HMCN1: variants seen among roughly 807,000 people sequenced by gnomAD.
The protein encoded by HMCN1 is hemicentin-1.
HMCN1 carries 321 observed loss-of-function variants against 625.9 expected under a neutral mutation model. The observed-to-expected ratio is 0.51, with a 90% CI of 0.47 to 0.56. The LOEUF (loss-of-function observed/expected upper bound fraction) is 0.56, where lower values mean the gene tolerates loss of function less well. Among genes scored for constraint, HMCN1 ranks in the 20% least tolerant of loss-of-function variants. The probability of loss-of-function intolerance (pLI) is 0.00; values close to 1 mark genes in which losing one functional copy is unlikely to be tolerated. For missense variants in HMCN1, 6,588 were observed against 6,887.3 expected (o/e 0.96, Z 1.54); for synonymous variants, 2,425 against 2,417.6 (o/e 1.00, Z -0.09).
At chr1:185,823,236 T>C (rs1414723157) in intron 1 of HMCN1, among the ~76,000 whole-genome samples, 1 of 152,146 alleles carries the variant, frequency 6.6e-6, no homozygotes, top group Non-Finnish European at 1.5e-5. Context: ...TGATAATTTC[T>C]CCAGAGCAAT....
chr1:185,848,862 A>G (rs1437967357), intron 2 of HMCN1, among the ~76,000 whole-genome samples: 1 of 152,084 alleles, frequency 6.6e-6, no homozygotes, highest in African/African-American at 2.4e-5. Flanking sequence ...ACTCCTCTCC[A>G]TTTCTTTTGA....
At chr1:185,877,425 T>C (rs1449406966) in intron 4 of HMCN1, among the ~76,000 whole-genome samples, 2 of 150,978 alleles carry the variant, frequency 1.3e-5, no homozygotes, top group Middle Eastern at 3.2e-3. Context: ...TTCTTTTTGT[T>C]TAGGATTACT....
At chr1:185,944,053 T>C (rs1028000213) in intron 11 of HMCN1, among the ~76,000 whole-genome samples, 1 of 152,304 alleles carries the variant, frequency 6.6e-6, no homozygotes, top group South Asian at 2.1e-4. Flanking sequence ...AGCCAGCAAG[T>C]GGCAGAGTAC....
At chr1:185,915,963 G>T in intron 6 of HMCN1, among the ~76,000 whole-genome samples, 1 of 151,848 alleles carries the variant, frequency 6.6e-6, no homozygotes, top group South Asian at 2.1e-4. Flanking sequence ...TTCCAATATC[G>T]GACTGTCAAC....
chr1:185,909,466 T>C lies in HMCN1; in HGVS notation c.751T>C (p.Leu251=), dbSNP rs1666292482. The change falls in exon 5 of 107, where the codon TTG becomes CTG. Residue 251 remains leucine (L), a synonymous_variant. Transcript: ENST00000271588. ...CAGCCTGAAAGAGGTCACTGTGTCT[T>C]TGAGTGGGCCTTCTCCAATGATTGA... ...DPSLKEVTVS[L]SGPSPMIEIR... 1 of 1,613,668 alleles carries C rather than the reference T, an allele frequency of 6.2e-7. No homozygotes were observed. Among genetic ancestry groups the C allele is most frequent in the South Asian group, 1.1e-5 (1 of 91,080 alleles).
chr1:185,964,565 G>A (rs1650260428), intron 13 of HMCN1, among the ~76,000 whole-genome samples: 1 of 152,196 alleles, frequency 6.6e-6, no homozygotes, highest in Middle Eastern at 3.4e-3. Flanking sequence ...TGTACTTGAA[G>A]GTATAGGTGA....
chr1:186,168,086 G>A (rs1256735661), intron 100 of HMCN1, among the ~76,000 whole-genome samples: 1 of 151,676 alleles, frequency 6.6e-6, no homozygotes, highest in African/African-American at 2.4e-5. Context: ...AAAAGAGTAT[G>A]TAACTGGAAA....
At chr1:186,068,883 A>G (rs1301427108) in intron 50 of HMCN1, among the ~76,000 whole-genome samples, 5 of 151,618 alleles carry the variant, frequency 3.3e-5, no homozygotes, top group African/African-American at 1.2e-4. Context: ...AAAAAAAAAA[A>G]AAAAAAAAGA....
rs574808583 is a variant in HMCN1 at position 186,026,007 on chromosome 1, A to T, written c.5749+2854A>T. On this transcript the variant is annotated intron_variant, in intron 36 of 106. Transcript: ENST00000271588. ...CACTTCTAATCTGATACTAATTGTG[A>T]TCAGCCTGGAAGAAGCAGTTGGCTG... Among the ~76,000 whole-genome samples, 149 of 152,328 alleles carry T rather than the reference A, an allele frequency of 9.8e-4. No homozygotes were observed. In the Middle Eastern group the frequency reaches 0.017, roughly 17 times the overall value.
chr1:185,806,774 T>C (rs1441758630), intron 1 of HMCN1, among the ~76,000 whole-genome samples: 1 of 152,186 alleles, frequency 6.6e-6, no homozygotes, highest in Non-Finnish European at 1.5e-5. Flanking sequence ...TTTGTATTGA[T>C]GTATTATTAT....
chr1:186,041,000 T>C lies in HMCN1; in HGVS notation c.6181-13T>C, dbSNP rs980197693. On this transcript the variant is annotated splice_polypyrimidine_tract_variant and intron_variant, in intron 39 of 106. Coordinates refer to ENST00000271588, the MANE Select transcript of HMCN1 (RefSeq NM_031935.3). ...GAGACATATTGGTTATTTAGCGTTC[T>C]TACCATTGATAGGTTCTCTCTGGTG... is the stretch of plus-strand genomic sequence containing the variant. The C allele has an allele frequency of 6.2e-7, 1 of 1,612,346 alleles. No individual in the cohort carries two copies. The highest frequency in any genetic ancestry group is 1.3e-5 in the African/African-American group (1 of 74,854).
chr1:186,122,645 G>T (rs867542892), intron 80 of HMCN1, among the ~76,000 whole-genome samples: 26 of 152,194 alleles, frequency 1.7e-4, no homozygotes, highest in African/African-American at 6.0e-4. Context: ...GTAAGTTAAA[G>T]AAAATATTTT....
intron 34 of HMCN1, among the ~76,000 whole-genome samples, chr1:186,019,149 A>G (rs1307195073): frequency 2.0e-5 from 3 of 152,054 alleles, no homozygotes; most frequent in East Asian, 1.9e-4. Context: ...TCCACATTCA[A>G]TCAGCCTTGC....
chr1:185,940,426 C>A (rs1668022984), intron 11 of HMCN1, among the ~76,000 whole-genome samples: 1 of 152,144 alleles, frequency 6.6e-6, no homozygotes, highest in Admixed American at 6.5e-5. Flanking sequence ...AACTGCTTCA[C>A]CTCTAGAGAT....
rs1379666039 is a variant in HMCN1 at position 186,057,410 on chromosome 1, A to T, written c.7312+9A>T. Reference sequence around the variant, plus strand: ...TGTGAGGATTCTTTCAGGTATTAGAAATTCTGGTAGCCTTATAATCTTGTT... The same window carrying T: ...TGTGAGGATTCTTTCAGGTATTAGATATTCTGGTAGCCTTATAATCTTGTT... On this transcript the variant is annotated intron_variant, in intron 46 of 106. Coordinates refer to ENST00000271588, the MANE Select transcript of HMCN1 (RefSeq NM_031935.3). The T allele has an allele frequency of 1.3e-6, 2 of 1,582,152 alleles. No individual in the cohort carries two copies. Among genetic ancestry groups the T allele is most frequent in the South Asian group, 1.1e-5 (1 of 90,464 alleles).
chr1:185,951,049 G>A (rs550724580), intron 11 of HMCN1, among the ~76,000 whole-genome samples: 11 of 151,388 alleles, frequency 7.3e-5, no homozygotes, highest in African/African-American at 2.7e-4. Context: ...TATTGGTGTC[G>A]AGTGGGGTAA....
chr1:186,002,056 A>G (rs1342270698), intron 28 of HMCN1, among the ~76,000 whole-genome samples: 1 of 152,080 alleles, frequency 6.6e-6, no homozygotes, highest in African/African-American at 2.4e-5. Context: ...AGTAGGCACG[A>G]CATTCTTTGG....
At chr1:185,931,317 C>T (rs150600375) in intron 10 of HMCN1, among the ~76,000 whole-genome samples, 2 of 152,266 alleles carry the variant, frequency 1.3e-5, no homozygotes, top group Non-Finnish European at 2.9e-5. Context: ...GCTCTTTGTA[C>T]TCCTAGAACA....
chr1:185,831,835 G>T (rs547236399), intron 1 of HMCN1, among the ~76,000 whole-genome samples: 120 of 152,008 alleles, frequency 7.9e-4, no homozygotes, highest in Non-Finnish European at 9.7e-4. Context: ...AACCTTAAAA[G>T]AAATAAAAAA....
Sources: allele counts gnomAD v4.1 joint callset (sites outside exome capture counted in the v4.1 genomes callset), GRCh38; gene constraint gnomAD v4.1.1; transcripts MANE v1.5; gene names NCBI Gene and HGNC (gene_info 2026-07-23, HGNC 2026-07-21).